ZFYVE28: variants seen among roughly 807,000 people sequenced by gnomAD.
The protein encoded by ZFYVE28 is zinc finger FYVE-type containing 28, also known as lateral signaling target protein 2 homolog.
ZFYVE28 carries 40 observed loss-of-function variants against 82.1 expected under a neutral mutation model. That is an observed-to-expected ratio of 0.49 (90% CI 0.38 to 0.63). ZFYVE28 has a LOEUF of 0.63. Ranked by LOEUF, ZFYVE28 falls within the 30% of genes least tolerant of loss-of-function variation. The probability of loss-of-function intolerance (pLI) is 0.00; values close to 1 mark genes in which losing one functional copy is unlikely to be tolerated. For missense variants in ZFYVE28, 1,321 were observed against 1,242.1 expected (o/e 1.06, Z -0.96); for synonymous variants, 612 against 546.1 (o/e 1.12, Z -1.68).
At chr4:2,272,258 C>T (rs1735982242) in intron 10 of ZFYVE28, among the ~76,000 whole-genome samples, 1 of 152,212 alleles carries the variant, frequency 6.6e-6, no homozygotes, top group African/African-American at 2.4e-5. Context: ...CCCTGCTGGG[C>T]CAGGGCTCCA....
Position 2,330,456 on chromosome 4 carries a change from G to A in ZFYVE28, c.701+5249C>T, listed in dbSNP as rs1318076987. 6.5e-6 allele frequency: 7 copies of A among 1,072,348 alleles called. No individual in the cohort carries two copies. In the African/African-American group the frequency reaches 1.0e-4, roughly 16 times the overall value. 66.4% of individuals were successfully genotyped at this position (1,072,348 alleles called of 1,614,324 possible). A position where few individuals can be genotyped will look rare whatever the true frequency, so the allele number is the denominator to read the frequency against. On this transcript the variant is annotated intron_variant, in intron 6 of 12. Transcript: ENST00000290974. The stretch of plus-strand genomic sequence containing the variant: ...TCATGGAGGGGACAGCACGGAGGAG[G>A]GAACATCATAAAGGAGGGGACAGCA...
At position 2,364,896 on chromosome 4, in the gene ZFYVE28, G is replaced by A. The variant is rs143693446; in HGVS notation, c.40-10823C>T. 5.5e-4 allele frequency: 538 copies of A among 985,574 alleles called. 1 individual carries two copies. In the African/African-American group the frequency reaches 8.9e-3, roughly 16 times the overall value. The allele number at this position is 985,574 out of a possible 1,614,324, so 61.1% of individuals were successfully genotyped here. On this transcript the variant is annotated intron_variant, in intron 1 of 12. Coordinates refer to ENST00000290974, the MANE Select transcript of ZFYVE28 (RefSeq NM_020972.3). ...CGAGAGTACCGTGGACCCCGGAAGA[G>A]GCGGCGCGGAGGGACAGTGGAGGCG...
chr4:2,411,081 C>A (rs181607018), intron 1 of ZFYVE28, among the ~76,000 whole-genome samples: 2 of 152,330 alleles, frequency 1.3e-5, no homozygotes, highest in Admixed American at 1.3e-4. Flanking sequence ...CTAGCCCAGT[C>A]TCCCCAGGAA....
intron 5 of ZFYVE28, 72 bp downstream of exon 5, chr4:2,337,335 C>G (rs1721985044): frequency 7.1e-7 from 1 of 1,406,386 alleles, no homozygotes; most frequent in East Asian, 2.5e-5. Flanking sequence ...GAGCTGCCCT[C>G]TGCCCCGGGC....
chr4:2,374,539 G>A (rs1376436698), intron 1 of ZFYVE28, among the ~76,000 whole-genome samples: 1 of 152,142 alleles, frequency 6.6e-6, no homozygotes, highest in Non-Finnish European at 1.5e-5. Flanking sequence ...CTTGAGCCCA[G>A]GCAGGTTGAG....
intron 6 of ZFYVE28, among the ~76,000 whole-genome samples, chr4:2,331,356 C>G (rs1720678869): frequency 6.6e-6 from 1 of 151,636 alleles, no homozygotes; most frequent in Admixed American, 6.6e-5. Flanking sequence ...TGTTTTAAGG[C>G]CGGGGCTGGG....
At chr4:2,360,258 C>G (rs975654910) in intron 1 of ZFYVE28, among the ~76,000 whole-genome samples, 1 of 152,022 alleles carries the variant, frequency 6.6e-6, no homozygotes, top group African/African-American at 2.4e-5. Context: ...ACGGGCACCA[C>G]AGTCACACTG....
chr4:2,303,942 A>T (rs1458581919), intron 8 of ZFYVE28, among the ~76,000 whole-genome samples: 1 of 152,222 alleles, frequency 6.6e-6, no homozygotes, highest in Non-Finnish European at 1.5e-5. Flanking sequence ...CCGCACAGGC[A>T]CGCGGCTCAC....
At chr4:2,346,900 A>C (rs561146578) in intron 2 of ZFYVE28, among the ~76,000 whole-genome samples, 1 of 152,178 alleles carries the variant, frequency 6.6e-6, no homozygotes, top group Non-Finnish European at 1.5e-5. Context: ...CAAACAGAAA[A>C]CAAATAGCAA....
chr4:2,281,832 G>GGTA, intron 8 of ZFYVE28, among the ~76,000 whole-genome samples: 1 of 152,158 alleles, frequency 6.6e-6, no homozygotes. Context: ...GGACCTCAGG[G>GGTA]GTAGATCAGA....
intron 1 of ZFYVE28, among the ~76,000 whole-genome samples, chr4:2,401,619 G>A (rs1731189191): frequency 6.6e-6 from 1 of 152,088 alleles, no homozygotes; most frequent in Admixed American, 6.5e-5. Context: ...GTTTTTCAGA[G>A]GATAAAACTG....
intron 1 of ZFYVE28, among the ~76,000 whole-genome samples, chr4:2,355,131 C>T (rs1478757344): frequency 2.7e-5 from 4 of 147,224 alleles, no homozygotes; most frequent in Non-Finnish European, 4.5e-5. Context: ...ATGCAAACAG[C>T]TTGTTCCCCT....
At chr4:2,378,407 G>A (rs1341054783) in intron 1 of ZFYVE28, among the ~76,000 whole-genome samples, 2 of 152,150 alleles carry the variant, frequency 1.3e-5, no homozygotes, top group Non-Finnish European at 2.9e-5. Flanking sequence ...CCTGTCACAT[G>A]GCCCATGACT....
At position 2,303,742 on chromosome 4, in the gene ZFYVE28, G is replaced by A. The variant is rs75700915; in HGVS notation, c.2051+547C>T. 9.5e-3 allele frequency among the ~76,000 whole-genome samples: 1,443 copies of A among 152,320 alleles called. 20 individuals carry two copies. The highest frequency in any genetic ancestry group is 0.034 in the African/African-American group (1,405 of 41,578). On this transcript the variant is annotated intron_variant, in intron 8 of 12. Coordinates refer to ENST00000290974, the MANE Select transcript of ZFYVE28 (RefSeq NM_020972.3). Reference sequence around the variant, plus strand: ...GCAGAGGCCCTGGGAACACCCCTGGGAATTTGCCCATGGGTGGTCTCAGCA... The same window carrying A: ...GCAGAGGCCCTGGGAACACCCCTGGAAATTTGCCCATGGGTGGTCTCAGCA...
At chr4:2,337,607 C>T (rs1225429239) in intron 4 of ZFYVE28, 111 bp from the exon 5 acceptor site, 10 of 696,818 alleles carry the variant, frequency 1.4e-5, no homozygotes, top group Non-Finnish European at 2.3e-5. Context: ...AAGGTGGGGG[C>T]GGGGGGCCTC....
chr4:2,395,969 C>T (rs1248625268), intron 1 of ZFYVE28, among the ~76,000 whole-genome samples: 2 of 152,298 alleles, frequency 1.3e-5, no homozygotes, highest in South Asian at 2.1e-4. Context: ...GCCTGTGTCC[C>T]CTGGGGGTCC....
At chr4:2,308,634 A>G (rs1189632398) in intron 7 of ZFYVE28, among the ~76,000 whole-genome samples, 1 of 116,516 alleles carries the variant, frequency 8.6e-6, no homozygotes, top group East Asian at 2.2e-4. Context: ...AGACAGAAAG[A>G]AAGAAAGAAA....
intron 8 of ZFYVE28, among the ~76,000 whole-genome samples, chr4:2,299,005 A>G (rs2108817201): frequency 6.6e-6 from 1 of 152,376 alleles, no homozygotes; most frequent in East Asian, 1.9e-4. Context: ...CCAGAAAGGC[A>G]GAGGAACAGA....
chr4:2,280,808 C>T (rs1711860047), intron 8 of ZFYVE28, among the ~76,000 whole-genome samples: 1 of 152,252 alleles, frequency 6.6e-6, no homozygotes, highest in Non-Finnish European at 1.5e-5. Flanking sequence ...GGGAAGTATT[C>T]AGCCCCGCAG....
Sources: allele counts gnomAD v4.1 joint callset (sites outside exome capture counted in the v4.1 genomes callset), GRCh38; gene constraint gnomAD v4.1.1; transcripts MANE v1.5; gene names NCBI Gene and HGNC (gene_info 2026-07-23, HGNC 2026-07-21).